The following SPOCK1 variants were observed in gnomAD, a reference collection of about 807,000 sequenced individuals.
The protein encoded by SPOCK1 is SPARC (osteonectin), cwcv and kazal like domains proteoglycan 1.
In SPOCK1, 23 loss-of-function variants were observed where a neutral mutation model predicts 55.3. The observed-to-expected ratio is 0.42, with a 90% CI of 0.30 to 0.59. The LOEUF is 0.59. Ranked by LOEUF, SPOCK1 falls within the 20% of genes least tolerant of loss-of-function variation. The pLI is 0.22. For missense variants in SPOCK1, 499 were observed against 552.5 expected (o/e 0.90, Z 0.97); for synonymous variants, 226 against 221.0 (o/e 1.02, Z -0.20).
intron 2 of SPOCK1, among the ~76,000 whole-genome samples, chr5:137,403,914 G>A (rs1051316501): frequency 3.3e-5 from 5 of 152,106 alleles, no homozygotes; most frequent in South Asian, 2.1e-4. Context: ...GGAGTGATAC[G>A]CTCTGACTTA....
chr5:137,042,626 T>C (rs1006756435), intron 6 of SPOCK1, among the ~76,000 whole-genome samples: 1 of 152,102 alleles, frequency 6.6e-6, no homozygotes, highest in African/African-American at 2.4e-5. Context: ...ATAAAGTTGT[T>C]TCCCATGGAA....
chr5:137,042,126 AT>A lies in SPOCK1; in HGVS notation c.589+25588del, dbSNP rs768747596. On this transcript the variant is annotated intron_variant, in intron 6 of 10. Transcript: ENST00000394945. ...TGGACTACTATTCAGTGATAAAAAAATAAATGAGCTATCAAACTACAAAAAG... is the reference window on the plus strand; with the variant it reads ...TGGACTACTATTCAGTGATAAAAAAAAAATGAGCTATCAAACTACAAAAAG... Among the ~76,000 whole-genome samples the A allele has an allele frequency of 3.3e-5, 5 of 152,214 alleles. No individual in the cohort carries two copies. The East Asian group carries it at 5.8e-4, about 18-fold the overall frequency.
At chr5:137,277,791 C>T (rs188173001) in intron 2 of SPOCK1, among the ~76,000 whole-genome samples, 1 of 152,314 alleles carries the variant, frequency 6.6e-6, no homozygotes, top group East Asian at 1.9e-4. Flanking sequence ...TCCACCCCTA[C>T]CCTCAGGCCC....
chr5:137,333,452 AC>A, intron 2 of SPOCK1, among the ~76,000 whole-genome samples: 1 of 151,962 alleles, frequency 6.6e-6, no homozygotes, highest in East Asian at 1.9e-4. Context: ...CCAGGTTGAG[AC>A]CCCCATGTTG....
At position 136,977,717 on chromosome 5, in the gene SPOCK1, G is replaced by A. The variant is rs1052761439; in HGVS notation, c.*937C>T. ...TGTGGGAGTCGCATGGCTTCTGCGA[G>A]AAAAGTGATTTAGGCAGACGGAGGT... On this transcript the variant is annotated 3_prime_UTR_variant, in exon 11 of 11. Coordinates refer to ENST00000394945, the MANE Select transcript of SPOCK1 (RefSeq NM_004598.4). 7.5e-6 allele frequency: 3 copies of A among 398,656 alleles called. No homozygotes were observed. The highest frequency in any genetic ancestry group is 8.9e-6 in the Non-Finnish European group (2 of 225,988). 24.7% of individuals were successfully genotyped at this position (398,656 alleles called of 1,614,324 possible). A position where few individuals can be genotyped will look rare whatever the true frequency, so the allele number is the denominator to read the frequency against.
chr5:137,207,086 G>C (rs947004699), intron 3 of SPOCK1, among the ~76,000 whole-genome samples: 1 of 152,254 alleles, frequency 6.6e-6, no homozygotes, highest in African/African-American at 2.4e-5. Flanking sequence ...CCTTGGCCCT[G>C]AGTAACAGAT....
At chr5:137,486,236 G>A (rs964100391) in intron 2 of SPOCK1, among the ~76,000 whole-genome samples, 1 of 152,124 alleles carries the variant, frequency 6.6e-6, no homozygotes, top group African/African-American at 2.4e-5. Context: ...TGGGTAAAAC[G>A]ACAGAAGTTG....
At chr5:137,424,720 C>T (rs1310558065) in intron 2 of SPOCK1, among the ~76,000 whole-genome samples, 3 of 152,122 alleles carry the variant, frequency 2.0e-5, no homozygotes, top group African/African-American at 4.8e-5. Flanking sequence ...AAAGATTGTG[C>T]TAAGGGAAAG....
chr5:136,980,727 C>T (rs1475685389), intron 9 of SPOCK1, among the ~76,000 whole-genome samples: 1 of 152,180 alleles, frequency 6.6e-6, no homozygotes, highest in Admixed American at 6.5e-5. Context: ...TGAAAATGGA[C>T]TAATACAGTG....
Position 137,372,871 on chromosome 5 carries a change from C to T in SPOCK1, c.187-105816G>A, listed in dbSNP as rs116444793. 5.0e-3 allele frequency among the ~76,000 whole-genome samples: 758 copies of T among 152,322 alleles called. 12 individuals carry two copies. The highest frequency in any genetic ancestry group is 0.018 in the African/African-American group (733 of 41,572). Reference sequence around the variant, plus strand: ...CTCATCTCATAAATCTTCAGTTCTTCCTCCAAGGATGTAGAAATGATAGCA... The same window carrying T: ...CTCATCTCATAAATCTTCAGTTCTTTCTCCAAGGATGTAGAAATGATAGCA... On this transcript the variant is annotated intron_variant, in intron 2 of 10. Coordinates refer to ENST00000394945, the MANE Select transcript of SPOCK1 (RefSeq NM_004598.4).
intron 3 of SPOCK1, among the ~76,000 whole-genome samples, chr5:137,241,805 T>C (rs1198223701): frequency 6.6e-6 from 1 of 152,150 alleles, no homozygotes; most frequent in Admixed American, 6.5e-5. Flanking sequence ...TTGTATTCTG[T>C]TATAATAGCA....
intron 2 of SPOCK1, among the ~76,000 whole-genome samples, chr5:137,292,498 G>C (rs1757391369): frequency 6.9e-6 from 1 of 145,124 alleles, no homozygotes; most frequent in Admixed American, 7.0e-5. Flanking sequence ...CAAAATGCTG[G>C]GGCAGCTACC....
At chr5:137,122,134 C>G (rs1753697283) in intron 4 of SPOCK1, among the ~76,000 whole-genome samples, 1 of 151,694 alleles carries the variant, frequency 6.6e-6, no homozygotes, top group Admixed American at 6.6e-5. Flanking sequence ...CAGAGCACAC[C>G]CAGTAACACT....
intron 9 of SPOCK1, among the ~76,000 whole-genome samples, chr5:136,982,328 C>T (rs1313637563): frequency 6.6e-6 from 1 of 152,126 alleles, no homozygotes. Flanking sequence ...TTTCAACTTT[C>T]TGTGGAATTA....
Position 137,284,547 on chromosome 5 carries a change from G to T in SPOCK1, c.187-17492C>A, listed in dbSNP as rs78462127. 4.1e-3 allele frequency among the ~76,000 whole-genome samples: 624 copies of T among 152,348 alleles called. 3 individuals carry two copies. The highest frequency in any genetic ancestry group is 8.1e-3 in the South Asian group (39 of 4,828). Reference sequence around the variant, plus strand: ...TCTGGAAGGAAGCGGACGGAAGGACGAGGAAGGTGCTGGGCCTGGCTCTGC... The same window carrying T: ...TCTGGAAGGAAGCGGACGGAAGGACTAGGAAGGTGCTGGGCCTGGCTCTGC... On this transcript the variant is annotated intron_variant, in intron 2 of 10. Transcript: ENST00000394945.
intron 10 of SPOCK1, 122 bp downstream of exon 10, chr5:136,979,210 C>T: frequency 7.2e-7 from 1 of 1,396,886 alleles, no homozygotes. Flanking sequence ...TACTATGCCT[C>T]TATTATAAAC....
At chr5:137,481,542 G>C (rs140846182) in intron 2 of SPOCK1, among the ~76,000 whole-genome samples, 28 of 152,332 alleles carry the variant, frequency 1.8e-4, no homozygotes, top group African/African-American at 6.5e-4. Context: ...TTCTGCAGAA[G>C]CTCAACCATT....
intron 2 of SPOCK1, among the ~76,000 whole-genome samples, chr5:137,395,907 A>G (rs1751837101): frequency 6.6e-6 from 1 of 152,214 alleles, no homozygotes; most frequent in South Asian, 2.1e-4. Context: ...GTTTCCTCCC[A>G]GAAAGATCCC....
At chr5:137,374,593 T>C (rs1751272079) in intron 2 of SPOCK1, among the ~76,000 whole-genome samples, 1 of 152,148 alleles carries the variant, frequency 6.6e-6, no homozygotes, top group African/African-American at 2.4e-5. Context: ...GCTACTGCCA[T>C]GAATCCATGG....
Sources: gnomAD v4.1 joint callset for allele counts (sites outside exome capture counted in the v4.1 genomes callset) on GRCh38, gnomAD v4.1.1 for gene constraint, MANE v1.5 for transcripts, NCBI Gene and HGNC (gene_info 2026-07-23, HGNC 2026-07-21) for gene names.